Variants in SEMA5B observed in about 807,000 individuals in gnomAD.
SEMA5B encodes semaphorin 5B, also known as semaphorin-5B.
Under a neutral mutation model 135.0 loss-of-function variants are expected in SEMA5B, and 66 were observed. That is an observed-to-expected ratio of 0.49 (90% CI 0.40 to 0.60). The LOEUF is 0.60. Ranked by LOEUF, SEMA5B falls within the 20% of genes least tolerant of loss-of-function variation. SEMA5B has a pLI of 0.00. For missense variants in SEMA5B, 1,501 were observed against 1,566.3 expected (o/e 0.96, Z 0.70); for synonymous variants, 690 against 639.5 (o/e 1.08, Z -1.19).
intron 1 of SEMA5B, among the ~76,000 whole-genome samples, chr3:122,963,222 T>A (rs1466527099): frequency 6.6e-6 from 1 of 152,034 alleles, no homozygotes; most frequent in Non-Finnish European, 1.5e-5. Context: ...ACTGGCCGAG[T>A]GCAGTGGCTC....
chr3:122,947,505 G>T (rs139752745), intron 3 of SEMA5B, among the ~76,000 whole-genome samples: 1 of 152,118 alleles, frequency 6.6e-6, no homozygotes, highest in Non-Finnish European at 1.5e-5. Context: ...ATGGGGCTCC[G>T]CATGTCCTCC....
At chr3:123,010,574 G>A (rs1468192626) in intron 1 of SEMA5B, among the ~76,000 whole-genome samples, 1 of 152,118 alleles carries the variant, frequency 6.6e-6, no homozygotes, top group Non-Finnish European at 1.5e-5. Context: ...ACTTTGGGAG[G>A]CTGAGGCAGG....
In SEMA5B at chr3:122,934,067, C is replaced by A. The variant is rs184396183; in HGVS notation, c.475-5009G>T. ...GGATTACAGGTGCGCGCCACCACAC[C>A]CGGCTAATTTTGTACTTTTAGTAGA... On this transcript the variant is annotated intron_variant, in intron 5 of 22. Coordinates refer to ENST00000357599, the MANE Select transcript of SEMA5B (RefSeq NM_001031702.4). Among the ~76,000 whole-genome samples, 5 of 148,978 alleles carry A rather than the reference C, an allele frequency of 3.4e-5. No homozygotes were observed. The East Asian group carries it at 7.8e-4, about 23-fold the overall frequency.
rs1056224022 is a variant in SEMA5B at position 122,922,503 on chromosome 3, C to T, written c.1273-56G>A. On this transcript the variant is annotated intron_variant, in intron 10 of 22. Transcript: ENST00000357599. ...CGGCCACCAGGGCTGCCGCCATCCCCCGCCGGCTCCCTCCTCCTGGCAACC... is the reference window on the plus strand; with the variant it reads ...CGGCCACCAGGGCTGCCGCCATCCCTCGCCGGCTCCCTCCTCCTGGCAACC... 1.5e-5 allele frequency: 22 copies of T among 1,493,570 alleles called. No homozygotes were observed. The African/African-American group carries it at 2.5e-4, about 17-fold the overall frequency. 92.5% of individuals were successfully genotyped at this position (1,493,570 alleles called of 1,614,324 possible). A position where few individuals can be genotyped will look rare whatever the true frequency, so the allele number is the denominator to read the frequency against.
At position 123,008,152 on chromosome 3, in the gene SEMA5B, A is replaced by G. The variant is rs1942355266; in HGVS notation, c.-39+19312T>C. Among the ~76,000 whole-genome samples the G allele has an allele frequency of 2.0e-5, 3 of 152,220 alleles. No individual in the cohort carries two copies. In the South Asian group the frequency reaches 6.2e-4, roughly 31 times the overall value. On this transcript the variant is annotated intron_variant, in intron 1 of 22. Coordinates refer to ENST00000357599, the MANE Select transcript of SEMA5B (RefSeq NM_001031702.4). Reference sequence around the variant, plus strand: ...TGTCCTACAGGACAATAACACCATAACTTTTGGAGTTATCTTTTCTACTGG... The same window carrying G: ...TGTCCTACAGGACAATAACACCATAGCTTTTGGAGTTATCTTTTCTACTGG...
In SEMA5B at chr3:122,909,851, G is replaced by T. The variant is rs1937608491; in HGVS notation, c.*292C>A. The stretch of plus-strand genomic sequence containing the variant: ...CTCCAATTCCTCAAATGCCCAGTAG[G>T]TCCACAGCCCAGGCATGGCAGCATA... On this transcript the variant is annotated 3_prime_UTR_variant, in exon 23 of 23. Coordinates refer to ENST00000357599, the MANE Select transcript of SEMA5B (RefSeq NM_001031702.4). 1 of 318,234 alleles carries T rather than the reference G, an allele frequency of 3.1e-6. No individual in the cohort carries two copies. The highest frequency in any genetic ancestry group is 5.7e-6 in the Non-Finnish European group (1 of 174,276). 19.7% of individuals were successfully genotyped at this position (318,234 alleles called of 1,614,324 possible).
intron 2 of SEMA5B, among the ~76,000 whole-genome samples, chr3:122,953,061 G>A (rs565312195): frequency 4.3e-4 from 66 of 152,252 alleles, no homozygotes; most frequent in South Asian, 1.7e-3. Flanking sequence ...TATGTCATCT[G>A]TTTCCTGGGG....
intron 2 of SEMA5B, among the ~76,000 whole-genome samples, chr3:122,956,318 C>A (rs1187941435): frequency 6.6e-6 from 1 of 152,220 alleles, no homozygotes. Context: ...TGTGAATGCA[C>A]GCGCATGTGT....
At position 122,922,248 on chromosome 3, in the gene SEMA5B, A is replaced by G; in HGVS notation, c.1472T>C (p.Ile491Thr). 1 of 1,612,406 alleles carries G rather than the reference A, an allele frequency of 6.2e-7. No individual in the cohort carries two copies. Among genetic ancestry groups the G allele is most frequent in the Non-Finnish European group, 8.5e-7 (1 of 1,178,730 alleles). ...GGACCGGGCCGGCTCACCGGTGCCA[A>G]TGTAGAGTACATGGTAGAGCGTGTC... ...AKDTLYHVLY[I>T]GTESGTILKA... is the part of the protein sequence containing the mutation. Residue 491 changes from isoleucine to threonine, a missense_variant, in exon 11 of 23, where the codon ATT (isoleucine) becomes ACT (threonine). By Grantham distance (89) the Ile-to-Thr change is moderately conservative. Around this residue, in one of 2 missense-constraint regions of SEMA5B, gnomAD observed 574 missense variants for 684.7 expected, o/e 0.84. Coordinates refer to ENST00000357599, the MANE Select transcript of SEMA5B (RefSeq NM_001031702.4).
intron 1 of SEMA5B, among the ~76,000 whole-genome samples, chr3:123,013,675 T>G (rs1029432746): frequency 6.6e-6 from 1 of 152,166 alleles, no homozygotes; most frequent in Non-Finnish European, 1.5e-5. Flanking sequence ...TCTGAGGCCC[T>G]CACATCTAGC....
chr3:123,026,759 G>A (rs1942809868), intron 1 of SEMA5B, among the ~76,000 whole-genome samples: 1 of 152,210 alleles, frequency 6.6e-6, no homozygotes, highest in Admixed American at 6.5e-5. Flanking sequence ...ATTACCATGA[G>A]AAACATAAAT....
intron 1 of SEMA5B, among the ~76,000 whole-genome samples, chr3:123,014,550 A>G (rs986738950): frequency 1.3e-5 from 2 of 152,224 alleles, no homozygotes; most frequent in African/African-American, 4.8e-5. Flanking sequence ...GGGCTTAGCA[A>G]TGGATCCTGG....
chr3:122,960,425 A>G (rs1355388443), intron 2 of SEMA5B, among the ~76,000 whole-genome samples: 1 of 152,242 alleles, frequency 6.6e-6, no homozygotes, highest in Non-Finnish European at 1.5e-5. Flanking sequence ...GGTTTTTCAA[A>G]AAATTAAATA....
At chr3:122,976,138 C>G in intron 1 of SEMA5B, 4 of 1,535,178 alleles carry the variant, frequency 2.6e-6, no homozygotes, top group Non-Finnish European at 1.7e-6. Flanking sequence ...TTTATACACT[C>G]TCATCACTTC....
chr3:122,927,181 A>C (rs535440649), intron 8 of SEMA5B, among the ~76,000 whole-genome samples: 8 of 151,992 alleles, frequency 5.3e-5, no homozygotes, highest in African/African-American at 1.9e-4. Flanking sequence ...CCCTTTCCAT[A>C]CCCTCCCTCT....
chr3:122,975,916 C>A (rs1042510440), intron 1 of SEMA5B: 41 of 1,469,304 alleles, frequency 2.8e-5, no homozygotes, highest in Non-Finnish European at 3.6e-5. Context: ...CCCTCTCCTG[C>A]CCCCTCTCTG....
In SEMA5B at chr3:122,955,559, A is replaced by G. The variant is rs995490618; in HGVS notation, c.124+5581T>C. 2.0e-5 allele frequency among the ~76,000 whole-genome samples: 3 copies of G among 152,212 alleles called. No individual in the cohort carries two copies. In the East Asian group the frequency reaches 5.8e-4, roughly 29 times the overall value. ...TTTCTATTTCTAACACGTCTGTCTG[A>G]TTTGATGTTAAAATAATTCCAGAAT... On this transcript the variant is annotated intron_variant, in intron 2 of 22. Transcript: ENST00000357599.
At chr3:122,923,334 CTG>C (rs1443062742) in intron 10 of SEMA5B, among the ~76,000 whole-genome samples, 1 of 152,238 alleles carries the variant, frequency 6.6e-6, no homozygotes, top group African/African-American at 2.4e-5. Context: ...GTCCTCTACA[CTG>C]TGGAGAGCTG....
chr3:122,910,029 C>T lies in SEMA5B; in HGVS notation c.*114G>A. On this transcript the variant is annotated 3_prime_UTR_variant, in exon 23 of 23. Coordinates refer to ENST00000357599, the MANE Select transcript of SEMA5B (RefSeq NM_001031702.4). Reference sequence around the variant, plus strand: ...CGGATGGGACCCCCCACAGGCAAGGCAGCAAGTTCTTGGCCTAGTGCAGAG... The same window carrying T: ...CGGATGGGACCCCCCACAGGCAAGGTAGCAAGTTCTTGGCCTAGTGCAGAG... 1 of 1,131,806 alleles carries T rather than the reference C, an allele frequency of 8.8e-7. No individual in the cohort carries two copies. Among genetic ancestry groups the T allele is most frequent in the Non-Finnish European group, 1.2e-6 (1 of 802,242 alleles). The allele number at this position is 1,131,806 out of a possible 1,614,324, so 70.1% of individuals were successfully genotyped here.
Sources: allele counts gnomAD v4.1 joint callset (sites outside exome capture counted in the v4.1 genomes callset), GRCh38; gene constraint gnomAD v4.1.1; regional missense constraint gnomAD v4.1.1; transcripts MANE v1.5; gene names NCBI Gene and HGNC (gene_info 2026-07-23, HGNC 2026-07-21).